KIF13A: variants seen among roughly 807,000 people sequenced by gnomAD.
KIF13A encodes the protein kinesin-like protein KIF13A.
Under a neutral mutation model 212.2 loss-of-function variants are expected in KIF13A, and 79 were observed. The ratio of observed to expected loss-of-function variants is 0.37; its 90% CI spans 0.31 to 0.45. KIF13A has a LOEUF of 0.45. Ranked by LOEUF, KIF13A falls within the 20% of genes least tolerant of loss-of-function variation. The probability of loss-of-function intolerance (pLI) is 1.00; values close to 1 mark genes in which losing one functional copy is unlikely to be tolerated. For missense variants in KIF13A, 1,901 were observed against 2,209.0 expected, an observed-to-expected ratio of 0.86 and a Z score of 2.79; for synonymous variants, 789 against 808.6, an observed-to-expected ratio of 0.98 and a Z score of 0.41.
At position 17,872,540 on chromosome 6, in the gene KIF13A, T is replaced by C. The variant is rs1352928334; in HGVS notation, c.220+837A>G. ...GGATAAGTTCATGAGGTAAAGCATG[T>C]GTTAATTAGCTCAATTTAGCCATTC... is the stretch of plus-strand genomic sequence containing the variant. On this transcript the variant is annotated intron_variant, in intron 4 of 38. Coordinates refer to ENST00000259711, the MANE Select transcript of KIF13A (RefSeq NM_022113.6). This position sits in a 1 kb window ranked among gnomAD's most constrained non-coding sequence, Gnocchi z 4.7. Among the ~76,000 whole-genome samples the C allele has an allele frequency of 6.6e-6, 1 of 152,254 alleles. No homozygotes were observed. Among genetic ancestry groups the C allele is most frequent in the Non-Finnish European group, 1.5e-5 (1 of 68,044 alleles).
At position 17,805,462 on chromosome 6, in the gene KIF13A, T is replaced by C. The variant is rs1473515281; in HGVS notation, c.2304+13A>G. 1 of 1,611,556 alleles carries C rather than the reference T, an allele frequency of 6.2e-7. No homozygotes were observed. Among genetic ancestry groups the C allele is most frequent in the South Asian group, 1.1e-5 (1 of 90,942 alleles). On this transcript the variant is annotated intron_variant, in intron 19 of 38. Coordinates refer to ENST00000259711, the MANE Select transcript of KIF13A (RefSeq NM_022113.6). ...AACATAACAAAATCTCCATTACATT[T>C]TGTCTCTTTTACCTCAGGAACTTTT...
chr6:17,787,055 C>G lies in KIF13A; in HGVS notation c.3361+721G>C, dbSNP rs1052783400. On this transcript the variant is annotated intron_variant, in intron 27 of 38. Transcript: ENST00000259711. This position sits in a 1 kb window ranked among gnomAD's most constrained non-coding sequence, Gnocchi z 4.6. Reference sequence around the variant, plus strand: ...TAGAGTTGTAGGGGCCACCCTGAACCAGCGGAGTGCATGGCAATGGCCCAA... The same window carrying G: ...TAGAGTTGTAGGGGCCACCCTGAACGAGCGGAGTGCATGGCAATGGCCCAA... Among the ~76,000 whole-genome samples, 25 of 152,338 alleles carry G rather than the reference C, an allele frequency of 1.6e-4. No homozygotes were observed. The East Asian group carries it at 4.6e-3, about 28-fold the overall frequency.
At chr6:17,812,807 G>C (rs1023711602) in intron 17 of KIF13A, among the ~76,000 whole-genome samples, 1 of 152,076 alleles carries the variant, frequency 6.6e-6, no homozygotes, top group Non-Finnish European at 1.5e-5. Context: ...AGTGTATAAG[G>C]GTTCCCTTTT....
rs575520875 is a variant in KIF13A at position 17,764,307 on chromosome 6, C to G, written c.5221G>C (p.Val1741Leu). The G allele has an allele frequency of 1.2e-5, 19 of 1,613,918 alleles. 1 individual carries two copies. The highest frequency in any genetic ancestry group is 1.6e-5 in the Non-Finnish European group (19 of 1,179,902). The change falls in exon 39 of 39, where the codon GTG (valine) becomes CTG (leucine). Residue 1741 changes from valine (V) to leucine (L), a missense_variant. This residue lies in a region of KIF13A where 687 missense variants were observed against 759.1 expected (regional missense o/e 0.90). Coordinates refer to ENST00000259711, the MANE Select transcript of KIF13A (RefSeq NM_022113.6). This position sits in a 1 kb window ranked among gnomAD's most constrained non-coding sequence, Gnocchi z 5.1. Reference protein sequence around the residue: ...EDHSFTEFMGVSEGKDFDGLT... With the variant: ...EDHSFTEFMGLSEGKDFDGLT... ...CCATCAAAATCTTTTCCCTCTGACACTCCCATAAATTCTGTGAAAGAATGG... is the reference window on the plus strand; with the variant it reads ...CCATCAAAATCTTTTCCCTCTGACAGTCCCATAAATTCTGTGAAAGAATGG...
chr6:17,813,314 T>C (rs577331366), intron 17 of KIF13A, among the ~76,000 whole-genome samples: 9 of 152,168 alleles, frequency 5.9e-5, no homozygotes, highest in Non-Finnish European at 1.2e-4. Flanking sequence ...ACCTCATCTC[T>C]ACTAAAAATA....
chr6:17,799,958 T>A lies in KIF13A; in HGVS notation c.2610A>T (p.Thr870=). The part of the protein sequence containing the change: ...GEIIHRVKKL[T]CRVKIKEATG... ...CCCATCACTGTCCTCTCACCCGACA[T>A]GTCAGCTTTTTGACTCGGTGAATGA... Residue 870 remains threonine (T), a synonymous_variant, in exon 21 of 39, where the codon ACA becomes ACT. Coordinates refer to ENST00000259711, the MANE Select transcript of KIF13A (RefSeq NM_022113.6). The surrounding 1 kb of genome is among the most constrained non-coding windows in gnomAD (Gnocchi z 4.4). 6.2e-7 allele frequency: 1 copy of A among 1,613,902 alleles called. No homozygotes were observed. Among genetic ancestry groups the A allele is most frequent in the Non-Finnish European group, 8.5e-7 (1 of 1,179,818 alleles).
chr6:17,878,002 A>G (rs1446493204), intron 3 of KIF13A, among the ~76,000 whole-genome samples: 1 of 152,250 alleles, frequency 6.6e-6, no homozygotes, highest in Non-Finnish European at 1.5e-5. Context: ...ATAGCAGTCA[A>G]AAAACATGCA....
At chr6:17,804,100 C>T (rs974851835) in intron 20 of KIF13A, among the ~76,000 whole-genome samples, 3 of 152,044 alleles carry the variant, frequency 2.0e-5, no homozygotes, top group African/African-American at 4.8e-5. Context: ...TGCAGTGAGC[C>T]GAGATCGCGC....
intron 17 of KIF13A, among the ~76,000 whole-genome samples, chr6:17,813,835 G>C (rs1261272735): frequency 6.6e-6 from 1 of 152,024 alleles, no homozygotes; most frequent in African/African-American, 2.4e-5. Flanking sequence ...TAACCTCTCA[G>C]CCTGAGTTTC....
At chr6:17,797,833 G>A (rs1470323023) in intron 22 of KIF13A, among the ~76,000 whole-genome samples, 1 of 152,186 alleles carries the variant, frequency 6.6e-6, no homozygotes, top group East Asian at 1.9e-4. Flanking sequence ...AGGAGTTCGA[G>A]GCTGCAGTGA....
At chr6:17,779,881 C>T (rs1760389679) in intron 31 of KIF13A, among the ~76,000 whole-genome samples, 197 bp from the exon 32 acceptor site, 1 of 151,604 alleles carries the variant, frequency 6.6e-6, no homozygotes, top group Admixed American at 6.6e-5. Context: ...GCTGGGACTA[C>T]AGGCGCCTGC....
intron 38 of KIF13A, among the ~76,000 whole-genome samples, chr6:17,766,814 C>A (rs1334357013): frequency 1.3e-5 from 2 of 152,146 alleles, no homozygotes; most frequent in African/African-American, 2.4e-5. Context: ...TAAATTTCAT[C>A]TGTTTAGATT....
rs967262778 is a variant in KIF13A at position 17,897,993 on chromosome 6, G to C, written c.159+175C>G. Among the ~76,000 whole-genome samples, 3 of 152,212 alleles carry C rather than the reference G, an allele frequency of 2.0e-5. No homozygotes were observed. Among genetic ancestry groups the C allele is most frequent in the East Asian group, 3.8e-4 (2 of 5,200 alleles). Reference sequence around the variant, plus strand: ...TGTGAAAGTGCTCTGTCAATGTAGAGTGACACTCTAACTTTATGTTAACAC... The same window carrying C: ...TGTGAAAGTGCTCTGTCAATGTAGACTGACACTCTAACTTTATGTTAACAC... On this transcript the variant is annotated intron_variant, in intron 3 of 38. Transcript: ENST00000259711. This position sits in a 1 kb window ranked among gnomAD's most constrained non-coding sequence, Gnocchi z 4.8.
rs374658042 is a variant in KIF13A, at chr6:17,808,719, A to C, written c.2163+49T>G. ...GTTTCAGTTTTAGATCCTATTTTAC[A>C]ATATTTACTATTGTGCATCTTGCCC... On this transcript the variant is annotated intron_variant, in intron 18 of 38. Transcript: ENST00000259711. 29 of 1,534,100 alleles carry C rather than the reference A, an allele frequency of 1.9e-5. No individual in the cohort carries two copies. In the African/African-American group the frequency reaches 3.7e-4, roughly 20 times the overall value.
At chr6:17,986,443 C>T (rs1319572863) in intron 2 of KIF13A, among the ~76,000 whole-genome samples, 1 of 152,190 alleles carries the variant, frequency 6.6e-6, no homozygotes, top group African/African-American at 2.4e-5. Flanking sequence ...AGTGTCTATA[C>T]AGTTCAGGGC....
At chr6:17,875,456 C>CT (rs758607280) in intron 3 of KIF13A, among the ~76,000 whole-genome samples, 12,347 of 137,074 alleles carry the variant, frequency 0.09, 1,063 homozygotes, top group African/African-American at 0.22. Context: ...TTTTCTTTTC[C>CT]TTTTTTTTTT....
intron 25 of KIF13A, among the ~76,000 whole-genome samples, chr6:17,790,304 C>T (rs1761425536): frequency 6.6e-6 from 1 of 152,130 alleles, no homozygotes; most frequent in Admixed American, 6.6e-5. Flanking sequence ...ACTTGGGAGA[C>T]TAAAGTGGGA....
At position 17,885,115 on chromosome 6, in the gene KIF13A, T is replaced by TAAA. The variant is rs35514465; in HGVS notation, c.160-11681_160-11679dup. 1.4e-4 allele frequency among the ~76,000 whole-genome samples: 21 copies of TAAA among 149,346 alleles called. No homozygotes were observed. The East Asian group carries it at 2.9e-3, about 21-fold the overall frequency. Reference sequence around the variant, plus strand: ...CTGATATCAAAGTTGTGAAGATTCATAAAAGAAAAAAAGGAAGAGTTAAAC... The same window carrying TAAA: ...CTGATATCAAAGTTGTGAAGATTCATAAAAAAAGAAAAAAAGGAAGAGTTAAAC... On this transcript the variant is annotated intron_variant, in intron 3 of 38. Transcript: ENST00000259711.
At position 17,918,275 on chromosome 6, in the gene KIF13A, G is replaced by A. The variant is rs1038620635; in HGVS notation, c.147-20095C>T. ...GCTTGACGTGCAGCAGAGGATAAAT[G>A]TTTACTGAATAAATACATACATGCA... On this transcript the variant is annotated intron_variant, in intron 2 of 38. Transcript: ENST00000259711. The surrounding 1 kb of genome is among the most constrained non-coding windows in gnomAD (Gnocchi z 4.8). Among the ~76,000 whole-genome samples the A allele has an allele frequency of 6.6e-6, 1 of 152,032 alleles. No individual in the cohort carries two copies. Among genetic ancestry groups the A allele is most frequent in the African/African-American group, 2.4e-5 (1 of 41,370 alleles).
Sources: gnomAD v4.1 joint callset for allele counts (sites outside exome capture counted in the v4.1 genomes callset) on GRCh38, gnomAD v4.1.1 for gene constraint, gnomAD v4.1.1 regional missense constraint, Gnocchi (gnomAD v3.1) non-coding constraint, MANE v1.5 for transcripts, NCBI Gene and HGNC (gene_info 2026-07-23, HGNC 2026-07-21) for gene names.